Variants in NEK9 observed in about 807,000 individuals in gnomAD.
The protein encoded by NEK9 is serine/threonine-protein kinase Nek9.
NEK9 carries 75 observed loss-of-function variants against 123.4 expected under a neutral mutation model. The ratio of observed to expected loss-of-function variants is 0.61; its 90% CI spans 0.50 to 0.74. The LOEUF (loss-of-function observed/expected upper bound fraction) is 0.74. Ranked by LOEUF, NEK9 falls within the 30% of genes least tolerant of loss-of-function variation. The pLI is 0.00. For synonymous variants in NEK9, 438 were observed against 458.7 expected, an observed-to-expected ratio of 0.95 and a Z score of 0.58; for missense variants, 952 against 1,214.4, an observed-to-expected ratio of 0.78 and a Z score of 3.21.
chr14:75,127,078 C>A, upstream of NEK9: 2 of 583,372 alleles, frequency 3.4e-6, no homozygotes, highest in Non-Finnish European at 5.8e-6. Flanking sequence ...GGAAACAGTT[C>A]TCTGTGTTTC....
At chr14:75,108,727 G>C (rs978921174) in intron 10 of NEK9, among the ~76,000 whole-genome samples, 4 of 151,514 alleles carry the variant, frequency 2.6e-5, no homozygotes, top group Non-Finnish European at 5.9e-5. Flanking sequence ...GCTAACTTTT[G>C]TATTTTTAGT....
intron 2 of NEK9, among the ~76,000 whole-genome samples, chr14:75,121,387 C>T (rs1388252804): frequency 6.6e-6 from 1 of 152,200 alleles, no homozygotes; most frequent in Non-Finnish European, 1.5e-5. Flanking sequence ...CTCTCTAACA[C>T]AAGAGGCGTA....
At chr14:75,124,431 T>C (rs1895448449) in intron 1 of NEK9, among the ~76,000 whole-genome samples, 1 of 152,212 alleles carries the variant, frequency 6.6e-6, no homozygotes, top group Admixed American at 6.5e-5. Context: ...CATTAAAACG[T>C]TGTTGTCATA....
chr14:75,109,219 G>C (rs759999612), intron 10 of NEK9, among the ~76,000 whole-genome samples: 1 of 152,110 alleles, frequency 6.6e-6, no homozygotes, highest in Non-Finnish European at 1.5e-5. Flanking sequence ...AGAATCTAGA[G>C]GGCAACAAAC....
intron 1 of NEK9, among the ~76,000 whole-genome samples, chr14:75,126,047 A>G (rs1425176749): frequency 6.6e-6 from 1 of 152,226 alleles, no homozygotes; most frequent in Non-Finnish European, 1.5e-5. Flanking sequence ...TAGGTTATCA[A>G]AGGGGTCCTT....
chr14:75,097,815 G>A (rs953954563), intron 16 of NEK9, among the ~76,000 whole-genome samples: 55 of 152,274 alleles, frequency 3.6e-4, no homozygotes, highest in African/African-American at 1.3e-3. Flanking sequence ...CTGGAGTGAC[G>A]AAGAGTTTCC....
chr14:75,101,566 G>T, intron 15 of NEK9, 91 bp downstream of exon 15: 1 of 756,730 alleles, frequency 1.3e-6, no homozygotes, highest in Non-Finnish European at 2.2e-6. Flanking sequence ...GGGGAAATCG[G>T]GATGATATAC....
chr14:75,108,955 G>A (rs896481556), intron 10 of NEK9, among the ~76,000 whole-genome samples: 3 of 152,200 alleles, frequency 2.0e-5, no homozygotes, highest in Non-Finnish European at 4.4e-5. Context: ...TGCTATCACA[G>A]AAGGCAAGTA....
At position 75,127,016 on chromosome 14, in the gene NEK9, C is replaced by G; in HGVS notation, c.-95G>C. On this transcript the variant is annotated 5_prime_UTR_variant, in exon 1 of 22. Transcript: ENST00000238616. ...CGCTTCAGATGCCGGCCCGCGGATC[C>G]GTCAGCCCAGCAACCCCGCGAAGCT... 1.8e-6 allele frequency: 2 copies of G among 1,083,392 alleles called. No individual in the cohort carries two copies. Among genetic ancestry groups the G allele is most frequent in the South Asian group, 1.8e-5 (1 of 55,166 alleles). 67.1% of individuals were successfully genotyped at this position (1,083,392 alleles called of 1,614,324 possible).
Position 75,126,834 on chromosome 14 carries a change from G to A in NEK9, c.88C>T (p.Pro30Ser), listed in dbSNP as rs1325879231. ...GGCCCCTGACTGGCGCTAGGCCCCG[G>A]ACTCGAGTCCCCGCAACCCCCGGAC... Reference protein sequence around the residue: ...SESGGCGDSSPGPSASQGPRA... With the variant: ...SESGGCGDSSSGPSASQGPRA... The change falls in exon 1 of 22, where the codon CCG becomes TCG. Residue 30 changes from proline (P) to serine (S), a missense_variant. Transcript: ENST00000238616. 3.9e-6 allele frequency: 6 copies of A among 1,533,690 alleles called. No individual in the cohort carries two copies. Among genetic ancestry groups the A allele is most frequent in the Non-Finnish European group, 5.3e-6 (6 of 1,140,658 alleles).
chr14:75,123,425 T>A (rs988877793), intron 2 of NEK9, among the ~76,000 whole-genome samples: 10 of 151,722 alleles, frequency 6.6e-5, no homozygotes, highest in African/African-American at 1.7e-4. Context: ...ATAATAATAA[T>A]AAAAATAAAA....
chr14:75,103,943 T>C lies in NEK9; in HGVS notation c.1630A>G (p.Thr544Ala), dbSNP rs1323955345. The C allele has an allele frequency of 6.2e-7, 1 of 1,614,030 alleles. No individual in the cohort carries two copies. The highest frequency in any genetic ancestry group is 8.5e-7 in the Non-Finnish European group (1 of 1,179,990). ...IVAVQCGCDG[T>A]FLLTQSGKVL... ...TTGCCTGACTGGGTCAACAGAAATG[T>C]CCCATCACAGCCACATTGAACTGCA... The change falls in exon 14 of 22, where the codon ACA becomes GCA. Residue 544 changes from threonine to alanine, a missense_variant. Transcript: ENST00000238616.
intron 12 of NEK9, 61 bp from the exon 13 acceptor site, chr14:75,106,057 T>G: frequency 6.9e-7 from 1 of 1,447,944 alleles, no homozygotes; most frequent in South Asian, 1.1e-5. Flanking sequence ...GTGAATAGGT[T>G]CTGTAAGATT....
At chr14:75,091,898 G>T (rs1424866147) in intron 18 of NEK9, among the ~76,000 whole-genome samples, 2 of 152,026 alleles carry the variant, frequency 1.3e-5, no homozygotes, top group Non-Finnish European at 2.9e-5. Flanking sequence ...TTTAATATTT[G>T]AGCCAAACTC....
chr14:75,095,682 G>C (rs1485179857), intron 17 of NEK9, among the ~76,000 whole-genome samples: 1 of 152,176 alleles, frequency 6.6e-6, no homozygotes. Context: ...AAGTAACCAT[G>C]TGTTTGAGAC....
intron 10 of NEK9, 114 bp downstream of exon 10, chr14:75,109,571 C>G: frequency 1.1e-6 from 1 of 902,738 alleles, no homozygotes; most frequent in Non-Finnish European, 1.7e-6. Context: ...CATTCCATCA[C>G]CCCATGTTGC....
chr14:75,103,717 A>G (rs1363608283), intron 14 of NEK9, 125 bp downstream of exon 14: 1 of 1,033,402 alleles, frequency 9.7e-7, no homozygotes, highest in Non-Finnish European at 1.4e-6. Context: ...TTTTCTGCAC[A>G]CAATGCCTAT....
chr14:75,097,511 A>C (rs1566645118), intron 16 of NEK9, among the ~76,000 whole-genome samples: 1 of 152,170 alleles, frequency 6.6e-6, no homozygotes, highest in Non-Finnish European at 1.5e-5. Flanking sequence ...CTTTTTCTTC[A>C]ACAACTTTTT....
intron 19 of NEK9, 83 bp from the exon 20 acceptor site, chr14:75,088,724 CCT>C (rs1001520866): frequency 8.1e-6 from 11 of 1,351,066 alleles, no homozygotes; most frequent in African/African-American, 1.4e-5. Flanking sequence ...TATAGTTTTC[CCT>C]CTCTCATGAC....
Sources: gnomAD v4.1 joint callset for allele counts (sites outside exome capture counted in the v4.1 genomes callset) on GRCh38, gnomAD v4.1.1 for gene constraint, MANE v1.5 for transcripts, NCBI Gene and HGNC (gene_info 2026-07-23, HGNC 2026-07-21) for gene names.